The following AJAP1 variants were observed in gnomAD, a reference collection of about 807,000 sequenced individuals.
The protein encoded by AJAP1 is adherens junction-associated protein 1.
Under a neutral mutation model 35.0 loss-of-function variants are expected in AJAP1, and 5 were observed. The observed-to-expected ratio is 0.14, with a 90% CI of 0.07 to 0.30. AJAP1 has a LOEUF of 0.30. Among genes scored for constraint, AJAP1 ranks in the 10% least tolerant of loss-of-function variants. The pLI is 1.00. For missense variants in AJAP1, 586 were observed against 571.0 expected, an observed-to-expected ratio of 1.03 and a Z score of -0.27; for synonymous variants, 284 against 249.3, an observed-to-expected ratio of 1.14 and a Z score of -1.31.
At chr1:4,724,964 A>C (rs1201821766) in intron 2 of AJAP1, among the ~76,000 whole-genome samples, 1 of 152,208 alleles carries the variant, frequency 6.6e-6, no homozygotes, top group African/African-American at 2.4e-5. Context: ...GACACAAAGC[A>C]AGGCTGCATA....
At chr1:4,722,608 G>C (rs1240723657) in intron 2 of AJAP1, among the ~76,000 whole-genome samples, 1 of 152,230 alleles carries the variant, frequency 6.6e-6, no homozygotes, top group Non-Finnish European at 1.5e-5. Flanking sequence ...CTGAAGTCAT[G>C]ATACAAGCAG....
At position 4,712,170 on chromosome 1, in the gene AJAP1, G is replaced by A; in HGVS notation, c.300G>A (p.Arg100=). Residue 100 remains arginine, a synonymous_variant, in exon 2 of 6, where the codon CGG becomes CGA. Transcript: ENST00000378191. ...AGATGCAGATGCCTCGAGCCAGACGGGCCCACAGGCCCCGGGACCAGGCGG... is the reference window on the plus strand; with the variant it reads ...AGATGCAGATGCCTCGAGCCAGACGAGCCCACAGGCCCCGGGACCAGGCGG... ...HGQMQMPRAR[R]AHRPRDQAAA... is the part of the protein sequence containing the mutation. 1 of 1,564,072 alleles carries A rather than the reference G, an allele frequency of 6.4e-7. No individual in the cohort carries two copies. The highest frequency in any genetic ancestry group is 8.6e-7 in the Non-Finnish European group (1 of 1,161,296).
chr1:4,721,902 G>C (rs1179661770), intron 2 of AJAP1, among the ~76,000 whole-genome samples: 1 of 152,198 alleles, frequency 6.6e-6, no homozygotes, highest in Non-Finnish European at 1.5e-5. Flanking sequence ...GAGTAATTTA[G>C]GGTAAAACGC....
intron 1 of AJAP1, among the ~76,000 whole-genome samples, chr1:4,694,126 G>C (rs556152493): frequency 6.6e-6 from 1 of 152,314 alleles, no homozygotes; most frequent in East Asian, 1.9e-4. Context: ...TGGGAGGGGC[G>C]GGGTGAGCCT....
At chr1:4,741,504 C>T (rs1320623864) in intron 2 of AJAP1, among the ~76,000 whole-genome samples, 1 of 152,178 alleles carries the variant, frequency 6.6e-6, no homozygotes, top group African/African-American at 2.4e-5. Flanking sequence ...CATGTGTGAC[C>T]TCATCTTAAT....
intron 1 of AJAP1, among the ~76,000 whole-genome samples, chr1:4,677,270 A>G (rs936743740): frequency 6.6e-6 from 1 of 152,152 alleles, no homozygotes; most frequent in African/African-American, 2.4e-5. Context: ...GATGCTGCCA[A>G]GGGGGACCCG....
chr1:4,777,718 G>A (rs542811306), intron 5 of AJAP1: 9 of 152,316 alleles, frequency 5.9e-5, no homozygotes, highest in Admixed American at 2.6e-4. Flanking sequence ...TCTTGAATCC[G>A]AAGCAAGTGA....
intron 2 of AJAP1, among the ~76,000 whole-genome samples, chr1:4,766,473 A>G (rs1641687656): frequency 6.6e-6 from 1 of 152,224 alleles, no homozygotes; most frequent in African/African-American, 2.4e-5. Context: ...AGAGGAAATA[A>G]TGAAGAACCC....
At chr1:4,754,432 G>A (rs572400409) in intron 2 of AJAP1, among the ~76,000 whole-genome samples, 1 of 152,226 alleles carries the variant, frequency 6.6e-6, no homozygotes, top group South Asian at 2.1e-4. Context: ...TTCCCTTCTG[G>A]CTACCCACTA....
rs911775890 is a variant in AJAP1, at chr1:4,656,859, T to G, written c.29+1405T>G. ...GCTTGGGCTAGATAAGGTTTAGGCT[T>G]GGACCGTTGTGGGATGTTGGCAAAA... On this transcript the variant is annotated intron_variant, in intron 1 of 5. Transcript: ENST00000378191. This position sits in a 1 kb window ranked among gnomAD's most constrained non-coding sequence, Gnocchi z 5.7. Among the ~76,000 whole-genome samples the G allele has an allele frequency of 6.6e-6, 1 of 152,186 alleles. No individual in the cohort carries two copies. Among genetic ancestry groups the G allele is most frequent in the East Asian group, 1.9e-4 (1 of 5,170 alleles).
chr1:4,727,410 C>T (rs1178228902), intron 2 of AJAP1, among the ~76,000 whole-genome samples: 1 of 152,208 alleles, frequency 6.6e-6, no homozygotes, highest in African/African-American at 2.4e-5. Context: ...TAATGTCTCC[C>T]TTAAATGGCG....
At chr1:4,766,482 C>G (rs1272905722) in intron 2 of AJAP1, among the ~76,000 whole-genome samples, 1 of 152,030 alleles carries the variant, frequency 6.6e-6, no homozygotes, top group Non-Finnish European at 1.5e-5. Context: ...AATGAAGAAC[C>G]CTTATGAATT....
chr1:4,669,266 G>C (rs1639200069), intron 1 of AJAP1, among the ~76,000 whole-genome samples: 1 of 152,148 alleles, frequency 6.6e-6, no homozygotes, highest in South Asian at 2.1e-4. Flanking sequence ...AGTATGGCCT[G>C]TTTTGGACAT....
chr1:4,707,336 T>C (rs75955753), intron 1 of AJAP1, among the ~76,000 whole-genome samples: 3,206 of 152,290 alleles, frequency 0.021, 90 homozygotes, highest in South Asian at 0.12. Context: ...TAGTGGGTTT[T>C]GTATAGGCAT....
At chr1:4,660,660 T>C (rs916344456) in intron 1 of AJAP1, among the ~76,000 whole-genome samples, 4 of 152,138 alleles carry the variant, frequency 2.6e-5, no homozygotes, top group Admixed American at 2.0e-4. Flanking sequence ...ATTTAGCTTT[T>C]TTAGGGGTCG....
intron 1 of AJAP1, among the ~76,000 whole-genome samples, chr1:4,666,569 ACGGGAGGGG>A: frequency 7.3e-6 from 1 of 137,886 alleles, no homozygotes; most frequent in Non-Finnish European, 1.6e-5. Flanking sequence ...CCCGTGAATC[ACGGGAGGGG>A]TGCGGAGAGG....
intron 5 of AJAP1, among the ~76,000 whole-genome samples, chr1:4,780,733 G>A (rs1464018694): frequency 6.7e-6 from 1 of 149,944 alleles, no homozygotes; most frequent in Non-Finnish European, 1.5e-5. Flanking sequence ...CCGGGTTCAA[G>A]TAATTCTCAT....
chr1:4,690,077 G>C (rs1275175400), intron 1 of AJAP1, among the ~76,000 whole-genome samples: 2 of 152,062 alleles, frequency 1.3e-5, no homozygotes, highest in East Asian at 1.9e-4. Context: ...TTTCCCACTC[G>C]CTGACAAAGA....
chr1:4,711,959 C>G lies in AJAP1; in HGVS notation c.89C>G (p.Ala30Gly). ...GGAAGCCATGCCTGGATACTGATAG[C>G]CATGTTTCAGCTCGCCGTGGACCTG... ...PLGSHAWILIAMFQLAVDLPA... is the reference protein window; with the variant it reads ...PLGSHAWILIGMFQLAVDLPA... The change falls in exon 2 of 6, where the codon GCC becomes GGC. Residue 30 changes from alanine to glycine, a missense_variant. Coordinates refer to ENST00000378191, the MANE Select transcript of AJAP1 (RefSeq NM_018836.4). The G allele has an allele frequency of 1.3e-6, 2 of 1,578,716 alleles. No individual in the cohort carries two copies. The highest frequency in any genetic ancestry group is 1.7e-6 in the Non-Finnish European group (2 of 1,167,698).
Sources: gnomAD v4.1 joint callset for allele counts (sites outside exome capture counted in the v4.1 genomes callset) on GRCh38, gnomAD v4.1.1 for gene constraint, Gnocchi (gnomAD v3.1) non-coding constraint, MANE v1.5 for transcripts, NCBI Gene and HGNC (gene_info 2026-07-23, HGNC 2026-07-21) for gene names.